The following CLCN6 variants were observed in gnomAD, a reference collection of about 807,000 sequenced individuals.
CLCN6 encodes Cl-/H+ antiporter 6.
Under a neutral mutation model 109.8 loss-of-function variants are expected in CLCN6, and 70 were observed. The ratio of observed to expected loss-of-function variants is 0.64; its 90% CI spans 0.53 to 0.78. The LOEUF (loss-of-function observed/expected upper bound fraction) is 0.78, where lower values mean the gene tolerates loss of function less well. CLCN6 is among the 30% of genes least tolerant of loss of function. The pLI is 0.00. For synonymous variants in CLCN6, 444 were observed against 447.8 expected, an observed-to-expected ratio of 0.99 and a Z score of 0.11; for missense variants, 984 against 1,142.3, an observed-to-expected ratio of 0.86 and a Z score of 2.00.
chr1:11,837,627 C>G, intron 20 of CLCN6, 128 bp downstream of exon 20: 1 of 930,118 alleles, frequency 1.1e-6, no homozygotes, highest in East Asian at 2.6e-5. Context: ...GCAGAGTGGA[C>G]TTAGGGGAGG....
chr1:11,807,279 C>A, intron 2 of CLCN6, 89 bp downstream of exon 2: 2 of 1,150,214 alleles, frequency 1.7e-6, no homozygotes, highest in Non-Finnish European at 2.6e-6. Context: ...ACCAGAGATG[C>A]TCTTTGACCT....
Position 11,823,776 on chromosome 1 carries a change from G to A in CLCN6, c.523G>A (p.Val175Ile), listed in dbSNP as rs755624300. ...YLNGVKVPGI[V>I]RLRTLLCKVL... The stretch of plus-strand genomic sequence containing the variant: ...GAATGGCGTAAAGGTGCCAGGAATC[G>A]TCCGTCTCCGGACCCTGCTCTGCAA... Residue 175 changes from valine to isoleucine, a missense_variant, in exon 7 of 23, where the codon GTC (valine) becomes ATC (isoleucine). Physicochemically the swap from Val to Ile is conservative, Grantham distance 29 (BLOSUM62 3). Coordinates refer to ENST00000346436, the MANE Select transcript of CLCN6 (RefSeq NM_001286.5). 1.1e-5 allele frequency: 17 copies of A among 1,614,260 alleles called. No individual in the cohort carries two copies. The highest frequency in any genetic ancestry group is 2.2e-5 in the East Asian group (1 of 44,888).
chr1:11,829,404 A>G (rs1195493803), intron 13 of CLCN6, 82 bp downstream of exon 13: 4 of 1,528,088 alleles, frequency 2.6e-6, no homozygotes, highest in Non-Finnish European at 3.6e-6. Context: ...GTTGAGAACT[A>G]ATAGATATGT....
chr1:11,833,832 G>T, intron 14 of CLCN6, 45 bp from the exon 15 acceptor site: 2 of 1,586,532 alleles, frequency 1.3e-6, no homozygotes, highest in African/African-American at 2.7e-5. Flanking sequence ...ACTGGGCCTT[G>T]GCAGGCATCC....
intron 5 of CLCN6, among the ~76,000 whole-genome samples, chr1:11,822,297 T>C (rs929833046): frequency 3.9e-5 from 6 of 152,332 alleles, no homozygotes; most frequent in Middle Eastern, 3.4e-3. Flanking sequence ...CTCACACTGT[T>C]GCCTAGGCTG....
At chr1:11,836,967 T>C (rs969965109) in intron 18 of CLCN6, 32 bp from the exon 19 acceptor site, 3 of 1,602,496 alleles carry the variant, frequency 1.9e-6, no homozygotes, top group Non-Finnish European at 2.5e-6. Flanking sequence ...CGTTTGCCCA[T>C]GCGCAGTAGC....
In CLCN6 at chr1:11,827,147, G is replaced by A. The variant is rs1644822184; in HGVS notation, c.766G>A (p.Ala256Thr). The change falls in exon 10 of 23, where the codon GCG becomes ACG. Residue 256 changes from alanine to threonine, a missense_variant. Physicochemically the swap from Ala to Thr is moderately conservative, Grantham distance 58. Transcript: ENST00000346436. The stretch of plus-strand genomic sequence containing the variant: ...TGCTGGAGTTGCTGCAGCTTTCGGG[G>A]CGCCAATCGGGGGTACCTTGTTCAG... ...AAAGVAAAFG[A>T]PIGGTLFSLE... 17 of 1,614,008 alleles carry A rather than the reference G, an allele frequency of 1.1e-5. No individual in the cohort carries two copies. The highest frequency in any genetic ancestry group is 1.4e-5 in the Non-Finnish European group (16 of 1,179,918).
At chr1:11,840,011 C>G in intron 22 of CLCN6, 132 bp from the exon 23 acceptor site, 1 of 756,610 alleles carries the variant, frequency 1.3e-6, no homozygotes, top group African/African-American at 1.7e-5. Flanking sequence ...TTATCCCAAT[C>G]AAGCTGTGTC....
In CLCN6 at chr1:11,838,470, A is replaced by G. The variant is rs978530502; in HGVS notation, c.2403+28A>G. 9 of 1,610,610 alleles carry G rather than the reference A, an allele frequency of 5.6e-6. No individual in the cohort carries two copies. The African/African-American group carries it at 9.4e-5, about 17-fold the overall frequency. On this transcript the variant is annotated intron_variant, in intron 21 of 22. Coordinates refer to ENST00000346436, the MANE Select transcript of CLCN6 (RefSeq NM_001286.5). ...GAGAAGGGCTGCCCCGGCCTGTCCCATGCGGAGCTGCCTCTTCATGCCGTT... is the reference window on the plus strand; with the variant it reads ...GAGAAGGGCTGCCCCGGCCTGTCCCGTGCGGAGCTGCCTCTTCATGCCGTT...
intron 4 of CLCN6, among the ~76,000 whole-genome samples, chr1:11,817,663 G>A (rs765014096): frequency 6.6e-6 from 1 of 152,170 alleles, no homozygotes; most frequent in Non-Finnish European, 1.5e-5. Flanking sequence ...TACAGTGTTG[G>A]GATAGGGTAT....
intron 1 of CLCN6, 104 bp downstream of exon 1, chr1:11,806,453 G>A: frequency 9.3e-7 from 1 of 1,079,266 alleles, no homozygotes; most frequent in Non-Finnish European, 1.3e-6. Context: ...GCAGGTGGCA[G>A]CGGGTGGGGC....
At position 11,833,937 on chromosome 1, in the gene CLCN6, G is replaced by A. The variant is rs1335714769; in HGVS notation, c.1433G>A (p.Trp478Ter). 1 of 1,614,018 alleles carries A rather than the reference G, an allele frequency of 6.2e-7. No individual in the cohort carries two copies. The highest frequency in any genetic ancestry group is 8.5e-7 in the Non-Finnish European group (1 of 1,180,000). ...FFVLYFLLAC[W>*]TYGISVPSGL... Reference sequence around the variant, plus strand: ...GTTCTCTATTTCTTGCTTGCATGTTGGACTTACGGCATTTCTGTTCCAAGT... The same window carrying A: ...GTTCTCTATTTCTTGCTTGCATGTTAGACTTACGGCATTTCTGTTCCAAGT... The change falls in exon 15 of 23, where the codon TGG becomes TAG. Residue 478 changes from tryptophan (W) to a stop codon, truncating the protein, a stop_gained. Coordinates refer to ENST00000346436, the MANE Select transcript of CLCN6 (RefSeq NM_001286.5). LOFTEE classifies it high-confidence loss of function.
intron 13 of CLCN6, among the ~76,000 whole-genome samples, chr1:11,831,517 C>A (rs1417521124): frequency 6.6e-6 from 1 of 152,178 alleles, no homozygotes; most frequent in African/African-American, 2.4e-5. Context: ...CTGTACATCA[C>A]TGGCAACTTC....
chr1:11,808,225 GTT>G lies in CLCN6; in HGVS notation c.147+1037_147+1038del, dbSNP rs1248308468. On this transcript the variant is annotated intron_variant, in intron 2 of 22. Coordinates refer to ENST00000346436, the MANE Select transcript of CLCN6 (RefSeq NM_001286.5). ...TATTTTTTATTGTATGTGTGTGTGT[GTT>G]TGTGTGTGTGTGTGTGTGTGTGTGT... Among the ~76,000 whole-genome samples, 97 of 112,826 alleles carry G rather than the reference GTT, an allele frequency of 8.6e-4. 1 individual carries two copies. The highest frequency in any genetic ancestry group is 2.4e-3 in the South Asian group (8 of 3,372). The allele number at this position is 112,826 out of a possible 152,430, so 74.0% of individuals were successfully genotyped here.
At position 11,824,509 on chromosome 1, in the gene CLCN6, C is replaced by G. The variant is rs767912902; in HGVS notation, c.604C>G (p.Pro202Ala). ...AGGGCTCTTCGTGGAGAAGGAAGGC[C>G]CCATGATCCACAGTGGTTCGGTGGT... ...AGGLFVEKEG[P>A]MIHSGSVVGA... The change falls in exon 8 of 23, where the codon CCC (proline) becomes GCC (alanine). Residue 202 changes from proline (P) to alanine (A), a missense_variant. Pro to Ala is a conservative substitution (Grantham distance 27). Coordinates refer to ENST00000346436, the MANE Select transcript of CLCN6 (RefSeq NM_001286.5). The G allele has an allele frequency of 6.2e-7, 1 of 1,613,754 alleles. No individual in the cohort carries two copies. Among genetic ancestry groups the G allele is most frequent in the South Asian group, 1.1e-5 (1 of 91,022 alleles).
In CLCN6 at chr1:11,834,110, G is replaced by C; in HGVS notation, c.1526+80G>C. 1 of 1,591,766 alleles carries C rather than the reference G, an allele frequency of 6.3e-7. No homozygotes were observed. The highest frequency in any genetic ancestry group is 8.6e-7 in the Non-Finnish European group (1 of 1,169,228). Reference sequence around the variant, plus strand: ...TGTGTATGCATGTGTGTGCGTGTGCGTGCGTTGATGTGTCTGTGCCCATGC... The same window carrying C: ...TGTGTATGCATGTGTGTGCGTGTGCCTGCGTTGATGTGTCTGTGCCCATGC... On this transcript the variant is annotated intron_variant, in intron 15 of 22. Coordinates refer to ENST00000346436, the MANE Select transcript of CLCN6 (RefSeq NM_001286.5). The surrounding 1 kb of genome is among the most constrained non-coding windows in gnomAD (Gnocchi z 4.5).
Position 11,834,615 on chromosome 1 carries a change from C to T in CLCN6, c.1793+25C>T, listed in dbSNP as rs764316829. The T allele has an allele frequency of 3.8e-6, 6 of 1,585,480 alleles. No homozygotes were observed. The South Asian group carries it at 6.6e-5, about 18-fold the overall frequency. The stretch of plus-strand genomic sequence containing the variant: ...AGTAAGGCCATGATTTTGCTCATGT[C>T]CTAGTTTCAGAATGTATAAGCTCTG... On this transcript the variant is annotated intron_variant, in intron 17 of 22. Transcript: ENST00000346436. The surrounding 1 kb of genome is among the most constrained non-coding windows in gnomAD (Gnocchi z 4.5).
chr1:11,806,361 G>T lies in CLCN6; in HGVS notation c.87+12G>T. 6.6e-7 allele frequency: 1 copy of T among 1,509,032 alleles called. No homozygotes were observed. Among genetic ancestry groups the T allele is most frequent in the South Asian group, 1.3e-5 (1 of 75,596 alleles). The allele number at this position is 1,509,032 out of a possible 1,614,324, so 93.5% of individuals were successfully genotyped here. ...CCCCCGAGGAGCTGGTAAGAAGCCG[G>T]CGGAGTCGGCCTGGGGAGGGGGCGG... On this transcript the variant is annotated intron_variant, in intron 1 of 22. Coordinates refer to ENST00000346436, the MANE Select transcript of CLCN6 (RefSeq NM_001286.5).
At position 11,837,032 on chromosome 1, in the gene CLCN6, C is replaced by T. The variant is rs776513600; in HGVS notation, c.2014C>T (p.Arg672Cys). ...CATCCTCACCCGGGCTGGCGAGCAG[C>T]GCAAACGGAGCCAGTCCATGAAGTC... is the stretch of plus-strand genomic sequence containing the variant. ...SSILTRAGEQ[R>C]KRSQSMKSYP... The change falls in exon 19 of 23, where the codon CGC becomes TGC. Residue 672 changes from arginine (R) to cysteine (C), a missense_variant. Arg to Cys is a radical substitution (Grantham distance 180, BLOSUM62 -3). Coordinates refer to ENST00000346436, the MANE Select transcript of CLCN6 (RefSeq NM_001286.5). 16 of 1,612,160 alleles carry T rather than the reference C, an allele frequency of 9.9e-6. No homozygotes were observed. The highest frequency in any genetic ancestry group is 2.7e-5 in the African/African-American group (2 of 75,072).
Sources: gnomAD v4.1 joint callset for allele counts (sites outside exome capture counted in the v4.1 genomes callset) on GRCh38, gnomAD v4.1.1 for gene constraint, Gnocchi (gnomAD v3.1) non-coding constraint, MANE v1.5 for transcripts, NCBI Gene and HGNC (gene_info 2026-07-23, HGNC 2026-07-21) for gene names.